The following GAD1 variants were observed in gnomAD, a reference collection of about 807,000 sequenced individuals.
GAD1 encodes the protein glutamate decarboxylase 1, also known as 67 kDa glutamic acid decarboxylase.
Under a neutral mutation model 75.2 loss-of-function variants are expected in GAD1, and 35 were observed. The observed-to-expected ratio is 0.47, with a 90% CI of 0.36 to 0.62. The LOEUF (loss-of-function observed/expected upper bound fraction) is 0.62, where lower values mean the gene tolerates loss of function less well. Ranked by LOEUF, GAD1 falls within the 20% of genes least tolerant of loss-of-function variation. GAD1 has a pLI of 0.00. For missense variants in GAD1, 490 were observed against 758.5 expected (o/e 0.65, Z 4.16); for synonymous variants, 257 against 271.9 (o/e 0.95, Z 0.54).
At chr2:170,826,099 A>G (rs934401188) in intron 3 of GAD1, among the ~76,000 whole-genome samples, 1 of 152,214 alleles carries the variant, frequency 6.6e-6, no homozygotes, top group Non-Finnish European at 1.5e-5. Context: ...AAACAAAGTG[A>G]AAGACATGTG....
chr2:170,832,328 T>C (rs1353389742), intron 5 of GAD1, among the ~76,000 whole-genome samples: 1 of 152,190 alleles, frequency 6.6e-6, no homozygotes, highest in Non-Finnish European at 1.5e-5. Flanking sequence ...TGGATATTCC[T>C]TGGCATTTGT....
At chr2:170,841,662 G>A (rs1448183096) in intron 6 of GAD1, among the ~76,000 whole-genome samples, 1 of 152,228 alleles carries the variant, frequency 6.6e-6, no homozygotes, top group Non-Finnish European at 1.5e-5. Context: ...GGGCAGCAGG[G>A]TCAGAAGAAG....
chr2:170,833,594 TG>T (rs1262815818), intron 5 of GAD1, among the ~76,000 whole-genome samples: 1 of 152,242 alleles, frequency 6.6e-6, no homozygotes, highest in Non-Finnish European at 1.5e-5. Flanking sequence ...CTCAGAGAGA[TG>T]AGAACTACAT....
Position 170,818,992 on chromosome 2 carries a change from G to C in GAD1, c.82+319G>C, listed in dbSNP as rs1701791917. Among the ~76,000 whole-genome samples, 1 of 152,114 alleles carries C rather than the reference G, an allele frequency of 6.6e-6. No individual in the cohort carries two copies. Among genetic ancestry groups the C allele is most frequent in the Non-Finnish European group, 1.5e-5 (1 of 68,022 alleles). ...GTGTGGTTTCTTTGCTCCGTGGGAC[G>C]ACAGGGGTCAGCGCAGGGGGCGGAA... On this transcript the variant is annotated intron_variant, in intron 2 of 16. Coordinates refer to ENST00000358196, the MANE Select transcript of GAD1 (RefSeq NM_000817.3). This position sits in a 1 kb window ranked among gnomAD's most constrained non-coding sequence, Gnocchi z 5.9.
intron 2 of GAD1, among the ~76,000 whole-genome samples, chr2:170,820,064 C>T (rs1701825312): frequency 6.6e-6 from 1 of 152,214 alleles, no homozygotes; most frequent in Non-Finnish European, 1.5e-5. Flanking sequence ...CTGGCCAGGG[C>T]AGGGCGGGAG....
chr2:170,818,334 C>T lies in GAD1; in HGVS notation c.-63-195C>T, dbSNP rs1188896805. The stretch of plus-strand genomic sequence containing the variant: ...GGCTACGCTCCCTGCGCCCCAGTAC[C>T]GGAGCTAGCGCGCACGTCTCCTCCG... On this transcript the variant is annotated intron_variant, in intron 1 of 16. Coordinates refer to ENST00000358196, the MANE Select transcript of GAD1 (RefSeq NM_000817.3). This position sits in a 1 kb window ranked among gnomAD's most constrained non-coding sequence, Gnocchi z 5.9. The T allele has an allele frequency of 5.4e-6, 3 of 550,580 alleles. No individual in the cohort carries two copies. The East Asian group carries it at 9.3e-5, about 17-fold the overall frequency. The allele number at this position is 550,580 out of a possible 1,614,324, so 34.1% of individuals were successfully genotyped here. A position where few individuals can be genotyped will look rare whatever the true frequency, so the allele number is the denominator to read the frequency against.
chr2:170,815,714 T>C (rs1701683178), upstream of GAD1, among the ~76,000 whole-genome samples: 1 of 152,156 alleles, frequency 6.6e-6, no homozygotes, highest in Non-Finnish European at 1.5e-5. Flanking sequence ...ATCAACATTT[T>C]TGCCCTAAAG....
intron 5 of GAD1, among the ~76,000 whole-genome samples, chr2:170,836,447 A>C (rs927875036): frequency 6.6e-6 from 1 of 152,244 alleles, no homozygotes; most frequent in Non-Finnish European, 1.5e-5. Context: ...GAGCTAAGTT[A>C]TCTCAGCCAT....
Position 170,833,484 on chromosome 2 carries a change from G to A in GAD1, c.547+2292G>A, listed in dbSNP as rs74878888. On this transcript the variant is annotated intron_variant, in intron 5 of 16. Coordinates refer to ENST00000358196, the MANE Select transcript of GAD1 (RefSeq NM_000817.3). ...TAATGGAAAACAAATAGTGTTATTC[G>A]GCTGCATTTTAAAAAGAGTCAGAAT... 2.9e-3 allele frequency among the ~76,000 whole-genome samples: 434 copies of A among 152,262 alleles called. 4 individuals are homozygous for A. Among genetic ancestry groups the A allele is most frequent in the African/African-American group, 0.01 (417 of 41,540 alleles).
At chr2:170,826,071 G>A (rs1427497140) in intron 3 of GAD1, among the ~76,000 whole-genome samples, 1 of 152,138 alleles carries the variant, frequency 6.6e-6, no homozygotes, top group Admixed American at 6.5e-5. Context: ...CAGTATTTTA[G>A]AGAACAAACA....
intron 3 of GAD1, 106 bp downstream of exon 3, chr2:170,822,255 T>A: frequency 1.0e-6 from 1 of 954,786 alleles, no homozygotes; most frequent in Non-Finnish European, 1.6e-6. Context: ...CTCATGGGTC[T>A]GATTTTCTAA....
At chr2:170,819,572 G>C (rs1337927533) in intron 2 of GAD1, among the ~76,000 whole-genome samples, 1 of 152,138 alleles carries the variant, frequency 6.6e-6, no homozygotes, top group African/African-American at 2.4e-5. Flanking sequence ...TCCTACCTCT[G>C]TAAAGGCTTG....
Position 170,853,861 on chromosome 2 carries a change from T to C in GAD1, c.1264-12T>C, listed in dbSNP as rs771814087. 6.2e-7 allele frequency: 1 copy of C among 1,614,050 alleles called. No homozygotes were observed. The highest frequency in any genetic ancestry group is 2.2e-5 in the East Asian group (1 of 44,878). On this transcript the variant is annotated splice_polypyrimidine_tract_variant and intron_variant, in intron 13 of 16. Coordinates refer to ENST00000358196, the MANE Select transcript of GAD1 (RefSeq NM_000817.3). This position sits in a 1 kb window ranked among gnomAD's most constrained non-coding sequence, Gnocchi z 4.1. ...GTAAATGCAGATGCACCCATCTTAA[T>C]TTCCATGATAGGGTATACTCCAAGG...
chr2:170,854,062 A>G, intron 14 of GAD1, 40 bp downstream of exon 14: 1 of 1,612,700 alleles, frequency 6.2e-7, no homozygotes, highest in Non-Finnish European at 8.5e-7. Context: ...CAGAAATGTA[A>G]TTTGCACAGA....
chr2:170,826,193 T>A (rs1702021233), intron 3 of GAD1, among the ~76,000 whole-genome samples: 1 of 152,202 alleles, frequency 6.6e-6, no homozygotes, highest in Admixed American at 6.5e-5. Context: ...ATTCATAAAA[T>A]AATTACAGGA....
At chr2:170,857,967 T>C (rs1324666186) in intron 15 of GAD1, among the ~76,000 whole-genome samples, 1 of 152,214 alleles carries the variant, frequency 6.6e-6, no homozygotes, top group Non-Finnish European at 1.5e-5. Context: ...GCCAGTATAA[T>C]ATAACACTGC....
intron 5 of GAD1, among the ~76,000 whole-genome samples, chr2:170,832,657 C>T (rs1025976902): frequency 4.9e-4 from 19 of 38,412 alleles, no homozygotes; most frequent in Admixed American, 1.2e-3. Flanking sequence ...CACATGCGCG[C>T]GCGCGCGCAC....
chr2:170,829,385 C>A (rs529520282), intron 3 of GAD1, 90 bp from the exon 4 acceptor site: 3 of 1,396,746 alleles, frequency 2.1e-6, no homozygotes, highest in South Asian at 2.3e-5. Flanking sequence ...GAAACAAGAG[C>A]CCTGCTTGGA....
intron 10 of GAD1, 100 bp downstream of exon 10, chr2:170,846,163 T>A (rs892423248): frequency 1.0e-6 from 1 of 997,052 alleles, no homozygotes. Flanking sequence ...TTTCTTGTGC[T>A]TCTAAAATTC....
Sources: gnomAD v4.1 joint callset for allele counts (sites outside exome capture counted in the v4.1 genomes callset) on GRCh38, gnomAD v4.1.1 for gene constraint, Gnocchi (gnomAD v3.1) non-coding constraint, MANE v1.5 for transcripts, NCBI Gene and HGNC (gene_info 2026-07-23, HGNC 2026-07-21) for gene names.